IL7R: variants seen among roughly 807,000 people sequenced by gnomAD.
IL7R encodes the protein interleukin 7 receptor, also known as interleukin-7 receptor subunit alpha.
A neutral mutation model predicts 47.0 loss-of-function variants in IL7R; 38 were observed. The ratio of observed to expected loss-of-function variants is 0.81; its 90% CI spans 0.62 to 1.06. The LOEUF (loss-of-function observed/expected upper bound fraction) is 1.06. Ranked by LOEUF, IL7R falls within the 50% of genes least tolerant of loss-of-function variation. The probability of loss-of-function intolerance (pLI) is 0.00; values close to 1 mark genes in which losing one functional copy is unlikely to be tolerated. For missense variants in IL7R, 633 were observed against 534.8 expected, an observed-to-expected ratio of 1.18 and a Z score of -1.81; for synonymous variants, 221 against 199.8, an observed-to-expected ratio of 1.11 and a Z score of -0.89.
At chr5:35,871,359 C>T in intron 4 of IL7R, 146 bp downstream of exon 4, 1 of 660,898 alleles carries the variant, frequency 1.5e-6, no homozygotes, top group Non-Finnish European at 2.6e-6. Context: ...ATATTGGCCC[C>T]ATGAAAACCT....
rs886060533 is a variant in IL7R at position 35,877,040 on chromosome 5, G to A, written c.*554G>A. 4.2e-6 allele frequency: 1 copy of A among 237,720 alleles called. No homozygotes were observed. The allele number at this position is 237,720 out of a possible 1,614,324, so 14.7% of individuals were successfully genotyped here. A position where few individuals can be genotyped will look rare whatever the true frequency, so the allele number is the denominator to read the frequency against. On this transcript the variant is annotated 3_prime_UTR_variant, in exon 8 of 8. Transcript: ENST00000303115. The stretch of plus-strand genomic sequence containing the variant: ...AAGTTGTTCACACAGTGAAGGGAGG[G>A]GCCAAGATATGATGGCTGGGAGTCT...
chr5:35,863,064 A>G (rs989390529), intron 2 of IL7R, among the ~76,000 whole-genome samples: 7 of 151,898 alleles, frequency 4.6e-5, no homozygotes, highest in Non-Finnish European at 8.8e-5. Flanking sequence ...AAGCCTATCT[A>G]CCCCAACAAG....
chr5:35,857,866 C>T (rs1181400067), intron 1 of IL7R, among the ~76,000 whole-genome samples: 1 of 152,096 alleles, frequency 6.6e-6, no homozygotes, highest in Non-Finnish European at 1.5e-5. Context: ...CAAATTAAGC[C>T]CTTTCTCTTT....
rs1760289371 is a variant in IL7R at position 35,879,109 on chromosome 5, A to T, written c.*2623A>T. On this transcript the variant is annotated 3_prime_UTR_variant, in exon 8 of 8. Transcript: ENST00000303115. ...AAAAAAATAAACCTCCTGATCGGAG[A>T]CAATGTATTAATCAGAAGTGTAAAC... 1 of 232,864 alleles carries T rather than the reference A, an allele frequency of 4.3e-6. No individual in the cohort carries two copies. Among genetic ancestry groups the T allele is most frequent in the African/African-American group, 2.2e-5 (1 of 45,302 alleles). 14.4% of individuals were successfully genotyped at this position (232,864 alleles called of 1,614,324 possible). A position where few individuals can be genotyped will look rare whatever the true frequency, so the allele number is the denominator to read the frequency against.
rs1367988817 is a variant in IL7R at position 35,878,773 on chromosome 5, G to C, written c.*2287G>C. 6 of 232,902 alleles carry C rather than the reference G, an allele frequency of 2.6e-5. No homozygotes were observed. Among genetic ancestry groups the C allele is most frequent in the African/African-American group, 4.4e-5 (2 of 45,318 alleles). The allele number at this position is 232,902 out of a possible 1,614,324, so 14.4% of individuals were successfully genotyped here. On this transcript the variant is annotated 3_prime_UTR_variant, in exon 8 of 8. Coordinates refer to ENST00000303115, the MANE Select transcript of IL7R (RefSeq NM_002185.5). ...TAAATTACCCAACCTCACACGTTAA[G>C]TCAGAACTGGGAGCCATAATTTTGT...
chr5:35,869,415 G>A (rs747407650), intron 3 of IL7R, among the ~76,000 whole-genome samples: 28 of 152,270 alleles, frequency 1.8e-4, no homozygotes, highest in Non-Finnish European at 3.1e-4. Flanking sequence ...CAGAGGGCAC[G>A]AGGACCAGCC....
rs371681482 is a variant in IL7R, at chr5:35,876,409, C to G, written c.1303C>G (p.Gln435Glu). 2 of 1,612,810 alleles carry G rather than the reference C, an allele frequency of 1.2e-6. No homozygotes were observed. Among genetic ancestry groups the G allele is most frequent in the African/African-American group, 2.7e-5 (2 of 75,040 alleles). ...GACATTGAACCCAGTTGCTCAGGGT[C>G]AGCCCATTCTTACTTCCCTGGGATC... is the stretch of plus-strand genomic sequence containing the variant. ...ILTLNPVAQG[Q>E]PILTSLGSNQ... Residue 435 changes from glutamine to glutamate, a missense_variant, in exon 8 of 8, where the codon CAG becomes GAG. Gln to Glu is a conservative substitution (Grantham distance 29). Coordinates refer to ENST00000303115, the MANE Select transcript of IL7R (RefSeq NM_002185.5).
At chr5:35,865,859 C>G (rs1759926106) in intron 2 of IL7R, among the ~76,000 whole-genome samples, 1 of 152,124 alleles carries the variant, frequency 6.6e-6, no homozygotes, top group South Asian at 2.1e-4. Context: ...AAAAAATGCT[C>G]ATCATCAATG....
chr5:35,876,668 T>C lies in IL7R; in HGVS notation c.*182T>C, dbSNP rs1375556739. 2 of 676,098 alleles carry C rather than the reference T, an allele frequency of 3.0e-6. No homozygotes were observed. The highest frequency in any genetic ancestry group is 1.8e-5 in the African/African-American group (1 of 56,074). The allele number at this position is 676,098 out of a possible 1,614,324, so 41.9% of individuals were successfully genotyped here. A position where few individuals can be genotyped will look rare whatever the true frequency, so the allele number is the denominator to read the frequency against. ...TTCCTGAGTTCAGTGGCACTCAACA[T>C]GAGTCAAGAGCATCCTGCTTCTACC... On this transcript the variant is annotated 3_prime_UTR_variant, in exon 8 of 8. Coordinates refer to ENST00000303115, the MANE Select transcript of IL7R (RefSeq NM_002185.5).
At chr5:35,866,993 T>A (rs1007399237) in intron 2 of IL7R, among the ~76,000 whole-genome samples, 1 of 152,230 alleles carries the variant, frequency 6.6e-6, no homozygotes, top group Non-Finnish European at 1.5e-5. Flanking sequence ...CTTTTTAATC[T>A]AAACAAAGTA....
At chr5:35,874,578 T>C (rs200545554) in intron 6 of IL7R, 36 bp downstream of exon 6, 1 of 1,413,582 alleles carries the variant, frequency 7.1e-7, no homozygotes, top group Non-Finnish European at 1.0e-6. Flanking sequence ...GGTGATTGTG[T>C]GGGATCACGG....
In IL7R at chr5:35,862,467, T is replaced by C. The variant is rs11567712; in HGVS notation, c.221+1477T>C. ...TCTCTTGACTTTTCCTGTCATATTG[T>C]AATCTGTCCAGAGCCTCCTCTATTT... On this transcript the variant is annotated intron_variant, in intron 2 of 7. Transcript: ENST00000303115. Among the ~76,000 whole-genome samples the C allele has an allele frequency of 4.7e-3, 709 of 152,296 alleles. 5 individuals are homozygous for C. The highest frequency in any genetic ancestry group is 0.016 in the African/African-American group (672 of 41,578).
intron 6 of IL7R, among the ~76,000 whole-genome samples, chr5:35,874,888 T>A (rs920691054): frequency 2.6e-5 from 4 of 152,212 alleles, no homozygotes; most frequent in African/African-American, 9.6e-5. Context: ...ATTCATGGGA[T>A]TTTTTATACT....
chr5:35,873,179 G>A (rs1177782145), intron 4 of IL7R: 3 of 405,874 alleles, frequency 7.4e-6, no homozygotes, highest in Non-Finnish European at 1.4e-5. Context: ...AAAGGATAGA[G>A]AGAAAAGAAG....
chr5:35,873,399 A>C, intron 4 of IL7R, 81 bp from the exon 5 acceptor site: 16 of 1,166,656 alleles, frequency 1.4e-5, no homozygotes, highest in Non-Finnish European at 2.1e-5. Context: ...GGACTAAAGG[A>C]ATCCCAATTG....
At chr5:35,867,524 TG>T in intron 3 of IL7R, 61 bp downstream of exon 3, 1 of 1,342,684 alleles carries the variant, frequency 7.4e-7, no homozygotes, top group East Asian at 2.3e-5. Flanking sequence ...ACACTGTGTC[TG>T]GACATTCTGT....
intron 1 of IL7R, among the ~76,000 whole-genome samples, chr5:35,857,352 AG>A (rs1252778678): frequency 9.2e-5 from 14 of 152,134 alleles, no homozygotes; most frequent in Non-Finnish European, 1.8e-4. Flanking sequence ...ATGCTCATGT[AG>A]ATGCTATGAC....
rs754172661 is a variant in IL7R, at chr5:35,873,542, G to A, written c.600G>A (p.Met200Ile). Residue 200 changes from methionine (M) to isoleucine (I), a missense_variant, in exon 5 of 8, where the codon ATG (methionine) becomes ATA (isoleucine). By Grantham distance (10) the Met-to-Ile change is conservative (BLOSUM62 1). Coordinates refer to ENST00000303115, the MANE Select transcript of IL7R (RefSeq NM_002185.5). ...LLQRKLQPAA[M>I]YEIKVRSIPD... ...AGAGAAAGCTCCAACCGGCAGCAATGTATGAGATTAAAGTTCGATCCATCC... is the reference window on the plus strand; with the variant it reads ...AGAGAAAGCTCCAACCGGCAGCAATATATGAGATTAAAGTTCGATCCATCC... 2.5e-6 allele frequency: 4 copies of A among 1,614,062 alleles called. No homozygotes were observed. The highest frequency in any genetic ancestry group is 2.5e-6 in the Non-Finnish European group (3 of 1,179,940).
In IL7R at chr5:35,871,303, A is replaced by C. The variant is rs9282750; in HGVS notation, c.537+90A>C. Reference sequence around the variant, plus strand: ...TAGTGCATTTCCCCTGGGAGGGCCCAACAATTTTGCTTTCAAAATCTACCT... The same window carrying C: ...TAGTGCATTTCCCCTGGGAGGGCCCCACAATTTTGCTTTCAAAATCTACCT... On this transcript the variant is annotated intron_variant, in intron 4 of 7. Coordinates refer to ENST00000303115, the MANE Select transcript of IL7R (RefSeq NM_002185.5). The C allele has an allele frequency of 4.7e-3, 4,955 of 1,062,220 alleles. 143 individuals carry two copies. In the African/African-American group the frequency reaches 0.062, roughly 13 times the overall value. 65.8% of individuals were successfully genotyped at this position (1,062,220 alleles called of 1,614,324 possible).
Sources: gnomAD v4.1 joint callset for allele counts (sites outside exome capture counted in the v4.1 genomes callset) on GRCh38, gnomAD v4.1.1 for gene constraint, MANE v1.5 for transcripts, NCBI Gene and HGNC (gene_info 2026-07-23, HGNC 2026-07-21) for gene names.